ADRA1B: variants seen among roughly 807,000 people sequenced by gnomAD.
ADRA1B encodes adrenoceptor alpha 1B.
A neutral mutation model predicts 17.9 loss-of-function variants in ADRA1B; 17 were observed. The observed-to-expected ratio is 0.95, with a 90% CI of 0.65 to 1.42. The LOEUF is 1.42. Ranked by LOEUF, ADRA1B falls within the 40% of genes most tolerant of loss-of-function variation. ADRA1B has a pLI of 0.00. For missense variants in ADRA1B, 681 were observed against 722.1 expected (o/e 0.94, Z 0.65); for synonymous variants, 366 against 327.6 (o/e 1.12, Z -1.27).
At chr5:159,916,356 G>T (rs1026534632), upstream of ADRA1B, 14 of 151,668 alleles carry the variant, frequency 9.2e-5, no homozygotes, top group Non-Finnish European at 1.5e-5. Context: ...CGGGGGACGC[G>T]GCTGGCTTCC....
At chr5:159,867,717 A>G (rs1753676432) in intron 1 of ADRA1B, 1 of 152,224 alleles carries the variant, frequency 6.6e-6, no homozygotes, top group South Asian at 2.1e-4. Context: ...GATGGAGACC[A>G]CTGTTCTTTA....
intron 1 of ADRA1B, among the ~76,000 whole-genome samples, chr5:159,938,835 T>A (rs1305663727): frequency 2.0e-5 from 3 of 152,302 alleles, no homozygotes; most frequent in East Asian, 3.9e-4. Flanking sequence ...GACTCTTAAG[T>A]CCTCAGCGAT....
chr5:159,962,061 T>TCATC (rs1350704609), intron 1 of ADRA1B, among the ~76,000 whole-genome samples: 1 of 152,252 alleles, frequency 6.6e-6, no homozygotes, highest in Admixed American at 6.5e-5. Flanking sequence ...TAGCCATGCG[T>TCATC]GATGACATGC....
At position 159,917,074 on chromosome 5, in the gene ADRA1B, C is replaced by G. The variant is rs376310466; in HGVS notation, c.169C>G (p.Leu57Val). The change falls in exon 1 of 2, where the codon CTC becomes GTC. Residue 57 changes from leucine (L) to valine (V), a missense_variant. Leu to Val is a conservative substitution (Grantham distance 32). This residue lies in a region of ADRA1B where 424 missense variants were observed against 480.2 expected (regional missense o/e 0.88). Coordinates refer to ENST00000306675, the MANE Select transcript of ADRA1B (RefSeq NM_000679.4). Reference sequence around the variant, plus strand: ...GGGCCTGGTGCTGGGCGCCTTCATCCTCTTTGCCATCGTGGGCAACATCCT... The same window carrying G: ...GGGCCTGGTGCTGGGCGCCTTCATCGTCTTTGCCATCGTGGGCAACATCCT... ...SVGLVLGAFI[L>V]FAIVGNILVI... 3.0e-5 allele frequency: 48 copies of G among 1,614,070 alleles called. No individual in the cohort carries two copies. The highest frequency in any genetic ancestry group is 3.6e-5 in the Non-Finnish European group (43 of 1,180,026).
chr5:159,899,255 G>GAAGGAAGA (rs1310088187), intron 1 of ADRA1B, among the ~76,000 whole-genome samples: 2 of 136,552 alleles, frequency 1.5e-5, no homozygotes, highest in East Asian at 4.8e-4. Context: ...AGGAAGGAAG[G>GAAGGAAGA]AAGGAAGAAA....
chr5:159,943,736 C>G (rs748999460), intron 1 of ADRA1B, among the ~76,000 whole-genome samples: 2 of 152,086 alleles, frequency 1.3e-5, no homozygotes, highest in Non-Finnish European at 2.9e-5. Flanking sequence ...TTTTCCCAAT[C>G]TTTTCTTCCT....
At chr5:159,880,272 C>A (rs377458601) in intron 1 of ADRA1B, among the ~76,000 whole-genome samples, 5 of 152,246 alleles carry the variant, frequency 3.3e-5, no homozygotes, top group East Asian at 3.9e-4. Context: ...AAAAAGAAAA[C>A]CCTCACCTAT....
chr5:159,938,797 C>T (rs1044906291), intron 1 of ADRA1B, among the ~76,000 whole-genome samples: 1 of 152,192 alleles, frequency 6.6e-6, no homozygotes, highest in African/African-American at 2.4e-5. Flanking sequence ...TTATTTGCGG[C>T]CATTGGCCTA....
intron 1 of ADRA1B, among the ~76,000 whole-genome samples, chr5:159,893,547 C>A (rs1300898936): frequency 6.6e-6 from 1 of 152,160 alleles, no homozygotes; most frequent in East Asian, 1.9e-4. Context: ...ACCTCAAAGG[C>A]AAAGACTAGG....
At chr5:159,879,821 C>T (rs934311311) in intron 1 of ADRA1B, among the ~76,000 whole-genome samples, 1 of 152,186 alleles carries the variant, frequency 6.6e-6, no homozygotes, top group East Asian at 1.9e-4. Flanking sequence ...CATGGTGAGA[C>T]CCTGTCTCTA....
chr5:159,944,821 C>G (rs34590989), intron 1 of ADRA1B, among the ~76,000 whole-genome samples: 17,886 of 152,140 alleles, frequency 0.12, 1,321 homozygotes, highest in Non-Finnish European at 0.16. Flanking sequence ...CTATTAAGTA[C>G]CTTCCCTGTC....
upstream of ADRA1B, among the ~76,000 whole-genome samples, chr5:159,911,825 T>C (rs532957947): frequency 6.6e-6 from 1 of 152,088 alleles, no homozygotes; most frequent in African/African-American, 2.4e-5. Flanking sequence ...CTTCTTCGAG[T>C]CCCCACAGAC....
At chr5:159,915,968 C>A (rs1325435778), upstream of ADRA1B, among the ~76,000 whole-genome samples, 1 of 152,088 alleles carries the variant, frequency 6.6e-6, no homozygotes, top group Non-Finnish European at 1.5e-5. Flanking sequence ...AATGCCTGAG[C>A]GAATGAAAGG....
At chr5:159,957,929 CAA>C (rs35956137) in intron 1 of ADRA1B, among the ~76,000 whole-genome samples, 10,415 of 66,630 alleles carry the variant, frequency 0.16, 244 homozygotes, top group East Asian at 0.28. Flanking sequence ...AACCCCATCT[CAA>C]AAAAAAAAAA....
chr5:159,873,163 T>A (rs547800855), intron 1 of ADRA1B, among the ~76,000 whole-genome samples: 2 of 152,302 alleles, frequency 1.3e-5, no homozygotes, highest in African/African-American at 4.8e-5. Flanking sequence ...ATTTTCTTTA[T>A]CCAGTCTATC....
At chr5:159,961,977 G>A (rs1048385745) in intron 1 of ADRA1B, among the ~76,000 whole-genome samples, 9 of 152,142 alleles carry the variant, frequency 5.9e-5, no homozygotes, top group African/African-American at 1.7e-4. Context: ...TTGGGAGGCC[G>A]AGGCGAGGTT....
intron 1 of ADRA1B, among the ~76,000 whole-genome samples, chr5:159,919,957 C>T (rs956134774): frequency 6.6e-6 from 1 of 152,218 alleles, no homozygotes; most frequent in African/African-American, 2.4e-5. Flanking sequence ...TGCTGCTTTG[C>T]TTCTCTAGGC....
chr5:159,979,823 G>A, the ADRA1B span, among the ~76,000 whole-genome samples: 16 of 151,646 alleles, frequency 1.1e-4, no homozygotes, highest in African/African-American at 1.7e-4. Flanking sequence ...AGCCAAGATC[G>A]TGCCACTGTA....
intron 1 of ADRA1B, chr5:159,948,057 T>C (rs917967356): frequency 8.1e-6 from 8 of 985,294 alleles, no homozygotes; most frequent in East Asian, 1.1e-4. Context: ...TTCACAGAGA[T>C]TAAACTTGGA....
Sources: gnomAD v4.1 joint callset for allele counts (sites outside exome capture counted in the v4.1 genomes callset) on GRCh38, gnomAD v4.1.1 for gene constraint, gnomAD v4.1.1 regional missense constraint, MANE v1.5 for transcripts, NCBI Gene and HGNC (gene_info 2026-07-23, HGNC 2026-07-21) for gene names.